CEMIP: variants seen among roughly 807,000 people sequenced by gnomAD.
The protein encoded by CEMIP is cell migration inducing hyaluronidase 1.
CEMIP carries 105 observed loss-of-function variants against 156.9 expected under a neutral mutation model. The observed-to-expected ratio is 0.67, with a 90% CI of 0.57 to 0.79. The LOEUF (loss-of-function observed/expected upper bound fraction) is 0.79, where lower values mean the gene tolerates loss of function less well. Ranked by LOEUF, CEMIP falls within the 30% of genes least tolerant of loss-of-function variation. CEMIP has a pLI of 0.00. For synonymous variants in CEMIP, 676 were observed against 668.4 expected (o/e 1.01, Z -0.17); for missense variants, 1,457 against 1,769.4 (o/e 0.82, Z 3.17).
intron 1 of CEMIP, chr15:80,841,957 A>G (rs747986080): frequency 1.3e-5 from 4 of 311,538 alleles, no homozygotes; most frequent in South Asian, 3.0e-5. Context: ...ACAAAGATGC[A>G]TGGAAAATGC....
Position 80,932,089 on chromosome 15 carries a change from T to C in CEMIP, c.2793+50T>C. On this transcript the variant is annotated intron_variant, in intron 22 of 29. Transcript: ENST00000394685. This position sits in a 1 kb window ranked among gnomAD's most constrained non-coding sequence, Gnocchi z 4.5. ...CCCGGCAAACCCAGACTTTGGATGG[T>C]GATTCACAAGTCCCCTGGGTCCCAG... 1 of 1,597,702 alleles carries C rather than the reference T, an allele frequency of 6.3e-7. No individual in the cohort carries two copies. The highest frequency in any genetic ancestry group is 1.7e-5 in the Admixed American group (1 of 60,000).
At chr15:80,800,104 C>T (rs1896339740) in intron 1 of CEMIP, among the ~76,000 whole-genome samples, 1 of 148,882 alleles carries the variant, frequency 6.7e-6, no homozygotes, top group Non-Finnish European at 1.5e-5. Context: ...TCTTGAACTC[C>T]TGGACTCAAG....
In CEMIP at chr15:80,926,113, ATTTC is replaced by A. The variant is rs553993605; in HGVS notation, c.2420+365_2420+368del. Among the ~76,000 whole-genome samples the A allele has an allele frequency of 1.1e-3, 169 of 152,324 alleles. 1 individual carries two copies. The highest frequency in any genetic ancestry group is 2.1e-3 in the Non-Finnish European group (142 of 68,030). ...CTTACTATGTGAAAGCCTTGGTTGC[ATTTC>A]TTTCTTACCATGTTTCTCAAACATA... On this transcript the variant is annotated intron_variant, in intron 19 of 29. Coordinates refer to ENST00000394685, the MANE Select transcript of CEMIP (RefSeq NM_001293298.2).
At chr15:80,806,259 G>T (rs971253141) in intron 1 of CEMIP, among the ~76,000 whole-genome samples, 2 of 152,180 alleles carry the variant, frequency 1.3e-5, no homozygotes, top group Non-Finnish European at 2.9e-5. Context: ...CCTTGACTTG[G>T]TCCAAGGTAT....
At chr15:80,836,974 C>T (rs1031950751) in intron 1 of CEMIP, among the ~76,000 whole-genome samples, 1 of 152,174 alleles carries the variant, frequency 6.6e-6, no homozygotes, top group African/African-American at 2.4e-5. Flanking sequence ...TCTAATTTCT[C>T]CCCAGTCCCT....
At chr15:80,918,748 C>T (rs139698084) in intron 14 of CEMIP, among the ~76,000 whole-genome samples, 1 of 152,166 alleles carries the variant, frequency 6.6e-6, no homozygotes, top group Non-Finnish European at 1.5e-5. Context: ...GGCCACCTTG[C>T]AAGGAAGTGA....
chr15:80,848,890 G>T (rs1038151639), intron 1 of CEMIP, among the ~76,000 whole-genome samples: 9 of 70,864 alleles, frequency 1.3e-4, no homozygotes, highest in African/African-American at 6.5e-4. Context: ...TCTGATGAGC[G>T]TGTGCGCGTG....
intron 1 of CEMIP, among the ~76,000 whole-genome samples, chr15:80,785,724 T>C (rs1016992108): frequency 6.6e-6 from 1 of 152,138 alleles, no homozygotes; most frequent in African/African-American, 2.4e-5. Context: ...ACTGAGGGCA[T>C]ATGAGGAGAG....
At chr15:80,813,220 G>T (rs967722832) in intron 1 of CEMIP, among the ~76,000 whole-genome samples, 1 of 152,136 alleles carries the variant, frequency 6.6e-6, no homozygotes, top group African/African-American at 2.4e-5. Context: ...TCCTTCAAAA[G>T]GTTGTAGTGA....
chr15:80,871,925 C>T (rs1382896498), intron 1 of CEMIP, among the ~76,000 whole-genome samples: 3 of 152,176 alleles, frequency 2.0e-5, no homozygotes, highest in African/African-American at 4.8e-5. Context: ...AGAATGGGCC[C>T]TGTTGTTCTC....
chr15:80,811,920 C>G (rs1265255481), intron 1 of CEMIP, among the ~76,000 whole-genome samples: 1 of 152,174 alleles, frequency 6.6e-6, no homozygotes, highest in Non-Finnish European at 1.5e-5. Flanking sequence ...TTGACAGTTG[C>G]TTTGAGTGCC....
rs965537941 is a variant in CEMIP at position 80,823,764 on chromosome 15, G to A, written c.-176+44150G>A. ...TCTGTGAGTTGTATATTTGGACTGA[G>A]GTCAAAATGAAGGCACTTCCAGAAG... On this transcript the variant is annotated intron_variant, in intron 1 of 29. Transcript: ENST00000394685. Among the ~76,000 whole-genome samples the A allele has an allele frequency of 3.3e-5, 5 of 152,254 alleles. No homozygotes were observed. In the South Asian group the frequency reaches 6.2e-4, roughly 19 times the overall value.
At chr15:80,919,281 G>T (rs141083597) in intron 14 of CEMIP, among the ~76,000 whole-genome samples, 1 of 152,172 alleles carries the variant, frequency 6.6e-6, no homozygotes, top group Non-Finnish European at 1.5e-5. Context: ...CTCAGGTGCT[G>T]CTCCTAGATG....
rs1376149814 is a variant in CEMIP at position 80,908,983 on chromosome 15, CT to C, written c.1588-113del. 8.2e-6 allele frequency: 8 copies of C among 975,506 alleles called. No individual in the cohort carries two copies. In the South Asian group the frequency reaches 1.1e-4, roughly 13 times the overall value. 60.4% of individuals were successfully genotyped at this position (975,506 alleles called of 1,614,324 possible). ...GAGAATATCTTTGATTTACTGAGTA[CT>C]AAGTGGAGACTGACAAAGAACAATG... On this transcript the variant is annotated intron_variant, in intron 13 of 29. Coordinates refer to ENST00000394685, the MANE Select transcript of CEMIP (RefSeq NM_001293298.2).
At chr15:80,853,145 C>G (rs1269395604) in intron 1 of CEMIP, among the ~76,000 whole-genome samples, 1 of 152,152 alleles carries the variant, frequency 6.6e-6, no homozygotes, top group Non-Finnish European at 1.5e-5. Flanking sequence ...TTCCAATGCC[C>G]ATTTAAGACC....
intron 25 of CEMIP, among the ~76,000 whole-genome samples, chr15:80,939,789 A>T (rs536720395): frequency 3.9e-5 from 6 of 152,152 alleles, no homozygotes; most frequent in Non-Finnish European, 8.8e-5. Flanking sequence ...GGCTTTTAAA[A>T]ATCTTTCTGC....
At chr15:80,928,479 GAA>G (rs111647260) in intron 19 of CEMIP, among the ~76,000 whole-genome samples, 1 of 148,874 alleles carries the variant, frequency 6.7e-6, no homozygotes, top group Non-Finnish European at 1.5e-5. Context: ...GATGGTAAAA[GAA>G]AAAAAAAATA....
chr15:80,871,578 C>A (rs1898293205), intron 1 of CEMIP, among the ~76,000 whole-genome samples: 1 of 152,124 alleles, frequency 6.6e-6, no homozygotes, highest in Non-Finnish European at 1.5e-5. Flanking sequence ...AGGAGGGATG[C>A]CCCCGCCCAG....
intron 12 of CEMIP, chr15:80,900,838 A>G: frequency 2.4e-6 from 1 of 421,750 alleles, no homozygotes; most frequent in South Asian, 1.7e-5. Context: ...ACCTAGGGAC[A>G]CAGCTATCTC....
Sources: allele counts gnomAD v4.1 joint callset (sites outside exome capture counted in the v4.1 genomes callset), GRCh38; gene constraint gnomAD v4.1.1; non-coding constraint Gnocchi (gnomAD v3.1); transcripts MANE v1.5; gene names NCBI Gene and HGNC (gene_info 2026-07-23, HGNC 2026-07-21).